Variants in EXT2 observed in about 807,000 individuals in gnomAD.
The protein encoded by EXT2 is exostosin glycosyltransferase 2.
A neutral mutation model predicts 81.6 loss-of-function variants in EXT2; 53 were observed. The observed-to-expected ratio is 0.65, with a 90% CI of 0.52 to 0.82. The LOEUF is 0.82. Ranked by LOEUF, EXT2 falls within the 40% of genes least tolerant of loss-of-function variation. EXT2 has a pLI of 0.00. For missense variants in EXT2, 774 were observed against 910.2 expected (o/e 0.85, Z 1.93); for synonymous variants, 320 against 340.0 (o/e 0.94, Z 0.65).
At position 44,130,309 on chromosome 11, in the gene EXT2, G is replaced by A. The variant is rs139745584; in HGVS notation, c.1173+171G>A. 9.8e-4 allele frequency among the ~76,000 whole-genome samples: 149 copies of A among 152,256 alleles called. 3 individuals carry two copies. The East Asian group carries it at 0.019, about 19-fold the overall frequency. The stretch of plus-strand genomic sequence containing the variant: ...ATGTTAGGTGAGTTGCATCAAATAA[G>A]GTTTGAAATAATAACTCTCAGAGAA... On this transcript the variant is annotated intron_variant, in intron 7 of 13. Transcript: ENST00000533608.
rs1447607572 is a variant in EXT2, at chr11:44,108,168, G to C, written c.456G>C (p.Leu152=). The C allele has an allele frequency of 5.6e-6, 9 of 1,613,934 alleles. No individual in the cohort carries two copies. The highest frequency in any genetic ancestry group is 7.6e-6 in the Non-Finnish European group (9 of 1,180,034). Residue 152 remains leucine (L), a synonymous_variant, in exon 2 of 14, where the codon CTG becomes CTC. Coordinates refer to ENST00000533608, the MANE Select transcript of EXT2 (RefSeq NM_207122.2). The stretch of plus-strand genomic sequence containing the variant: ...CTGATGACATCAACCGGGCCTGTCT[G>C]TTTGTTCCCTCCATCGATGTGCTTA... ...YYTDDINRAC[L]FVPSIDVLNQ... is the part of the protein sequence containing the mutation.
intron 8 of EXT2, among the ~76,000 whole-genome samples, chr11:44,190,828 A>C (rs1038143356): frequency 2.6e-5 from 4 of 152,200 alleles, no homozygotes; most frequent in Non-Finnish European, 4.4e-5. Flanking sequence ...TGGTAACCCT[A>C]GAATGGTTTT....
At chr11:44,171,795 G>C (rs577250565) in intron 8 of EXT2, 53 bp downstream of exon 8, 1 of 1,611,212 alleles carries the variant, frequency 6.2e-7, no homozygotes, top group African/African-American at 1.3e-5. Flanking sequence ...TGTCAGGGTG[G>C]GTGGAAGGAA....
chr11:44,190,944 A>G (rs1482182937), intron 8 of EXT2, among the ~76,000 whole-genome samples: 1 of 152,176 alleles, frequency 6.6e-6, no homozygotes, highest in Non-Finnish European at 1.5e-5. Flanking sequence ...CAAAGGCACA[A>G]CTAGTTGCTT....
chr11:44,137,786 T>C (rs1830963937), intron 7 of EXT2, among the ~76,000 whole-genome samples: 1 of 152,218 alleles, frequency 6.6e-6, no homozygotes, highest in African/African-American at 2.4e-5. Flanking sequence ...GTCCTTAATT[T>C]CATAATGCAA....
At chr11:44,098,872 A>G (rs927391967) in intron 1 of EXT2, among the ~76,000 whole-genome samples, 1 of 152,168 alleles carries the variant, frequency 6.6e-6, no homozygotes, top group African/African-American at 2.4e-5. Context: ...TTTAGGAAAG[A>G]TAATAGTCAG....
chr11:44,166,417 G>A (rs1258960539), intron 7 of EXT2, among the ~76,000 whole-genome samples: 1 of 152,308 alleles, frequency 6.6e-6, no homozygotes, highest in South Asian at 2.1e-4. Context: ...GTAGCAGGGA[G>A]GCAGCCAGCT....
intron 7 of EXT2, among the ~76,000 whole-genome samples, chr11:44,158,647 AAAG>A (rs1457974722): frequency 6.6e-6 from 1 of 151,342 alleles, no homozygotes; most frequent in Non-Finnish European, 1.5e-5. Flanking sequence ...ATTTTAATAA[AAAG>A]AAAGAATTTT....
chr11:44,130,902 C>T (rs1052604371), intron 7 of EXT2, among the ~76,000 whole-genome samples: 9 of 152,236 alleles, frequency 5.9e-5, no homozygotes, highest in Non-Finnish European at 1.3e-4. Flanking sequence ...CCACCCCCTG[C>T]TGTTAGTTCG....
At chr11:44,238,628 C>G (rs930794036) in intron 13 of EXT2, among the ~76,000 whole-genome samples, 48 of 152,120 alleles carry the variant, frequency 3.2e-4, no homozygotes, top group African/African-American at 1.2e-3. Context: ...GCTCAAAGGG[C>G]TGTAACTGAT....
At chr11:44,131,358 A>G (rs1246256349) in intron 7 of EXT2, among the ~76,000 whole-genome samples, 1 of 152,130 alleles carries the variant, frequency 6.6e-6, no homozygotes, top group Non-Finnish European at 1.5e-5. Flanking sequence ...CTTCTTATCG[A>G]CACAGATTAA....
intron 1 of EXT2, among the ~76,000 whole-genome samples, chr11:44,098,723 G>C (rs1275041527): frequency 6.6e-6 from 1 of 151,474 alleles, no homozygotes; most frequent in Non-Finnish European, 1.5e-5. Flanking sequence ...GCAGGGGTGG[G>C]GAAAGTAATG....
chr11:44,131,670 C>A (rs1316681185), intron 7 of EXT2, among the ~76,000 whole-genome samples: 1 of 152,116 alleles, frequency 6.6e-6, no homozygotes, highest in Non-Finnish European at 1.5e-5. Flanking sequence ...TTTATCTAAA[C>A]CTGTGGTTCC....
chr11:44,213,281 C>A (rs1272262638), intron 10 of EXT2, among the ~76,000 whole-genome samples: 1 of 152,080 alleles, frequency 6.6e-6, no homozygotes, highest in Admixed American at 6.5e-5. Context: ...AACAGACCAA[C>A]AGAGAAAGTG....
At chr11:44,224,762 T>C (rs1453669616) in intron 10 of EXT2, among the ~76,000 whole-genome samples, 1 of 152,226 alleles carries the variant, frequency 6.6e-6, no homozygotes, top group Non-Finnish European at 1.5e-5. Context: ...CTGCAAGTGA[T>C]GGAAGTCAGC....
chr11:44,121,493 C>G (rs566333097), intron 4 of EXT2, among the ~76,000 whole-genome samples: 30 of 152,230 alleles, frequency 2.0e-4, no homozygotes, highest in African/African-American at 7.0e-4. Flanking sequence ...TTCTCTGACT[C>G]CTAGAAATCT....
chr11:44,194,130 T>G lies in EXT2; in HGVS notation c.1306-3699T>G, dbSNP rs150550893. 3.7e-3 allele frequency among the ~76,000 whole-genome samples: 557 copies of G among 152,374 alleles called. 2 individuals are homozygous for G. Among genetic ancestry groups the G allele is most frequent in the Non-Finnish European group, 5.3e-3 (361 of 68,030 alleles). On this transcript the variant is annotated intron_variant, in intron 8 of 13. Transcript: ENST00000533608. The stretch of plus-strand genomic sequence containing the variant: ...TTAGGGAATTTTCCTCTCTTCTTAA[T>G]GTCATAAAGACATTTAAGTGTGTTG...
chr11:44,142,522 A>G (rs551382932), intron 7 of EXT2, among the ~76,000 whole-genome samples: 13 of 152,356 alleles, frequency 8.5e-5, no homozygotes, highest in Admixed American at 2.0e-4. Context: ...TCAGATTCCA[A>G]TACTTTCTTA....
rs1956091940 is a variant in EXT2, at chr11:44,246,159, C to A, written c.*1872C>A. On this transcript the variant is annotated 3_prime_UTR_variant, in exon 14 of 14. Transcript: ENST00000533608. ...AGGCTGACAAGCACAGTGAGGACCT[C>A]TAATCTTTCTAGGGGTTTTCTAGTT... 2.0e-5 allele frequency among the ~76,000 whole-genome samples: 3 copies of A among 152,130 alleles called. No individual in the cohort carries two copies. Among genetic ancestry groups the A allele is most frequent in the African/African-American group, 7.2e-5 (3 of 41,424 alleles).
Sources: gnomAD v4.1 joint callset for allele counts (sites outside exome capture counted in the v4.1 genomes callset) on GRCh38, gnomAD v4.1.1 for gene constraint, MANE v1.5 for transcripts, NCBI Gene and HGNC (gene_info 2026-07-23, HGNC 2026-07-21) for gene names.